Variants in DLG2 observed in about 807,000 individuals in gnomAD.
The protein encoded by DLG2 is disks large homolog 2.
DLG2 carries 45 observed loss-of-function variants against 132.5 expected under a neutral mutation model. That is an observed-to-expected ratio of 0.34 (90% CI 0.27 to 0.44). DLG2 has a LOEUF of 0.44. Among genes scored for constraint, DLG2 ranks in the 20% least tolerant of loss-of-function variants. The pLI, the probability that DLG2 is intolerant of heterozygous loss-of-function variation, is 1.00. For synonymous variants in DLG2, 424 were observed against 419.6 expected (o/e 1.01, Z -0.13); for missense variants, 1,045 against 1,196.9 (o/e 0.87, Z 1.87).
chr11:84,182,374 A>G (rs1195672244), intron 8 of DLG2, among the ~76,000 whole-genome samples: 1 of 151,938 alleles, frequency 6.6e-6, no homozygotes, highest in African/African-American at 2.4e-5. Flanking sequence ...TCCTAAAAAA[A>G]AAAAAAATTA....
At chr11:83,914,208 G>C (rs2076542718) in intron 15 of DLG2, among the ~76,000 whole-genome samples, 1 of 152,074 alleles carries the variant, frequency 6.6e-6, no homozygotes, top group South Asian at 2.1e-4. Flanking sequence ...GGGAGACTGA[G>C]TGAGTTTTCA....
At chr11:84,182,995 A>G (rs1406537947) in intron 8 of DLG2, among the ~76,000 whole-genome samples, 2 of 152,186 alleles carry the variant, frequency 1.3e-5, no homozygotes, top group Non-Finnish European at 2.9e-5. Flanking sequence ...CCAAGGTGAA[A>G]TGAACTGTTT....
At chr11:84,251,123 G>T in intron 8 of DLG2, 115 bp downstream of exon 8, 2 of 583,222 alleles carry the variant, frequency 3.4e-6, no homozygotes, top group Non-Finnish European at 5.7e-6. Context: ...AAAACTACAT[G>T]TCATTCCATA....
At chr11:85,065,068 T>C (rs1663386074) in intron 6 of DLG2, among the ~76,000 whole-genome samples, 2 of 151,460 alleles carry the variant, frequency 1.3e-5, no homozygotes, top group African/African-American at 4.8e-5. Context: ...TTCTAAAAAG[T>C]CTCCTGGTCT....
In DLG2 at chr11:85,273,351, C is replaced by A. The variant is rs1026533609; in HGVS notation, c.186+11869G>T. On this transcript the variant is annotated intron_variant, in intron 4 of 27. Transcript: ENST00000376104. Reference sequence around the variant, plus strand: ...AATGGGAAGAAATTTTTACAATCTACCCATCTGACAAAGGGCTAATATCCA... The same window carrying A: ...AATGGGAAGAAATTTTTACAATCTAACCATCTGACAAAGGGCTAATATCCA... Among the ~76,000 whole-genome samples, 21 of 152,064 alleles carry A rather than the reference C, an allele frequency of 1.4e-4. 1 individual carries two copies. The highest frequency in any genetic ancestry group is 5.1e-4 in the African/African-American group (21 of 41,394).
chr11:84,455,184 T>C (rs1228362050), intron 7 of DLG2, among the ~76,000 whole-genome samples: 1 of 151,466 alleles, frequency 6.6e-6, no homozygotes, highest in Admixed American at 6.6e-5. Flanking sequence ...ATTCCTCACC[T>C]ACAGCAATTT....
intron 6 of DLG2, among the ~76,000 whole-genome samples, chr11:84,866,374 T>C (rs1001432912): frequency 2.6e-5 from 4 of 152,220 alleles, no homozygotes; most frequent in African/African-American, 9.6e-5. Context: ...ATTCTCAGTC[T>C]TCCTTGCAAA....
chr11:84,287,393 T>C (rs1224964316), intron 7 of DLG2, among the ~76,000 whole-genome samples: 3 of 152,146 alleles, frequency 2.0e-5, no homozygotes, highest in Non-Finnish European at 4.4e-5. Flanking sequence ...ATTATGCAAT[T>C]AGATAGTGTT....
chr11:83,756,909 G>A (rs1218427409), intron 18 of DLG2, among the ~76,000 whole-genome samples: 2 of 152,154 alleles, frequency 1.3e-5, no homozygotes, highest in Non-Finnish European at 2.9e-5. Context: ...CATATACTAT[G>A]TGTCACATTG....
At chr11:85,321,793 G>C (rs1296612767) in intron 3 of DLG2, among the ~76,000 whole-genome samples, 2 of 152,040 alleles carry the variant, frequency 1.3e-5, no homozygotes, top group South Asian at 2.1e-4. Flanking sequence ...TGATAACACT[G>C]ACAGGATCTT....
rs1205288093 is a variant in DLG2 at position 83,901,885 on chromosome 11, G to GA, written c.1497-27398dup. On this transcript the variant is annotated intron_variant, in intron 15 of 27. Transcript: ENST00000376104. ...CAACATGAGAAAAATAAGTCTTCAT[G>GA]ATTTTTTTTTGTGTGACATCAAACA... Among the ~76,000 whole-genome samples the GA allele has an allele frequency of 4.6e-5, 7 of 152,116 alleles. No individual in the cohort carries two copies. In the South Asian group the frequency reaches 1.5e-3, roughly 32 times the overall value.
intron 7 of DLG2, among the ~76,000 whole-genome samples, chr11:84,380,827 A>G (rs796291919): frequency 1.8e-4 from 27 of 152,136 alleles, no homozygotes; most frequent in African/African-American, 6.5e-4. Flanking sequence ...AGATCTCTCA[A>G]GAAAAAGAAG....
At chr11:84,111,762 T>C (rs72951862) in intron 9 of DLG2, among the ~76,000 whole-genome samples, 1,653 of 152,332 alleles carry the variant, frequency 0.011, 10 homozygotes, top group Non-Finnish European at 0.016. Context: ...TACAGTCTAG[T>C]TGGGGAGATG....
chr11:84,227,795 A>ACT (rs1242067859), intron 8 of DLG2, among the ~76,000 whole-genome samples: 1 of 151,774 alleles, frequency 6.6e-6, no homozygotes, highest in Non-Finnish European at 1.5e-5. Flanking sequence ...ACGCCTGTAC[A>ACT]CCCAGCTGCT....
At chr11:85,025,689 T>C (rs1042818647) in intron 6 of DLG2, among the ~76,000 whole-genome samples, 1 of 152,182 alleles carries the variant, frequency 6.6e-6, no homozygotes, top group African/African-American at 2.4e-5. Flanking sequence ...GTCTGGTAAT[T>C]GCAGAGATAT....
intron 6 of DLG2, among the ~76,000 whole-genome samples, chr11:84,925,128 TC>T (rs1403018401): frequency 1.3e-5 from 2 of 152,190 alleles, no homozygotes; most frequent in Admixed American, 1.3e-4. Flanking sequence ...ACCATTTTTT[TC>T]CATTAGAAGC....
chr11:83,748,120 T>G (rs141405040), intron 18 of DLG2, among the ~76,000 whole-genome samples: 1 of 152,222 alleles, frequency 6.6e-6, no homozygotes, highest in Non-Finnish European at 1.5e-5. Flanking sequence ...AGATTCTGTA[T>G]GTACTCTGTC....
At chr11:84,937,816 A>G (rs2048932339) in intron 6 of DLG2, among the ~76,000 whole-genome samples, 1 of 152,202 alleles carries the variant, frequency 6.6e-6, no homozygotes, top group Admixed American at 6.5e-5. Context: ...GAAAATCTAT[A>G]ATATTTTGAC....
At chr11:83,876,162 T>C (rs1173879294) in intron 15 of DLG2, among the ~76,000 whole-genome samples, 1 of 152,160 alleles carries the variant, frequency 6.6e-6, no homozygotes, top group Non-Finnish European at 1.5e-5. Flanking sequence ...CTTATAAGAC[T>C]GGGATAGTAA....
Sources: allele counts gnomAD v4.1 joint callset (sites outside exome capture counted in the v4.1 genomes callset), GRCh38; gene constraint gnomAD v4.1.1; transcripts MANE v1.5; gene names NCBI Gene and HGNC (gene_info 2026-07-23, HGNC 2026-07-21).